Variants in RRM2B observed in about 807,000 individuals in gnomAD.
RRM2B encodes ribonucleotide reductase regulatory TP53 inducible subunit M2B.
A neutral mutation model predicts 45.9 loss-of-function variants in RRM2B; 20 were observed. The observed-to-expected ratio is 0.44, with a 90% CI of 0.31 to 0.63. RRM2B has a LOEUF of 0.63. RRM2B is among the 30% of genes least tolerant of loss of function. The pLI is 0.09. For missense variants in RRM2B, 320 were observed against 414.7 expected (o/e 0.77, Z 1.98); for synonymous variants, 124 against 132.3 (o/e 0.94, Z 0.43).
chr8:102,211,242 C>T (rs1563659574), intron 8 of RRM2B, among the ~76,000 whole-genome samples: 1 of 152,220 alleles, frequency 6.6e-6, no homozygotes, highest in African/African-American at 2.4e-5. Flanking sequence ...GTGATTCTTC[C>T]ACCTCAGCCT....
chr8:102,226,965 C>T (rs1810943112), intron 2 of RRM2B, among the ~76,000 whole-genome samples: 2 of 152,126 alleles, frequency 1.3e-5, no homozygotes, highest in African/African-American at 2.4e-5. Context: ...CTGTTTGCCT[C>T]GGCCTCCCAA....
rs1810521062 is a variant in RRM2B, at chr8:102,205,076, G to A, written c.*3057C>T. On this transcript the variant is annotated 3_prime_UTR_variant, in exon 9 of 9. Transcript: ENST00000251810. ...TGTGCCATTCATCCAGATTCTGCTG[G>A]GGAAGATTTCCCAAGTCCACTACCA... 6.6e-6 allele frequency: 1 copy of A among 152,118 alleles called. No individual in the cohort carries two copies. The highest frequency in any genetic ancestry group is 2.4e-5 in the African/African-American group (1 of 41,440). The allele number at this position is 152,118 out of a possible 1,614,324, so 9.4% of individuals were successfully genotyped here.
intron 1 of RRM2B, among the ~76,000 whole-genome samples, chr8:102,237,198 A>C (rs1811135931): frequency 6.6e-6 from 1 of 152,240 alleles, no homozygotes; most frequent in South Asian, 2.1e-4. Context: ...ATAGACTATG[A>C]ATTAGATTAG....
At position 102,232,284 on chromosome 8, in the gene RRM2B, G is replaced by C; in HGVS notation, c.69C>G (p.Asn23Lys). ...CTTCATTTGACTTTATTTCACTTTC[G>C]TTGGTGTCTGAAGATGATCTCTTTG... ...DQDERSSSDTNESEIKSNEEP... is the reference protein window; with the variant it reads ...DQDERSSSDTKESEIKSNEEP... Residue 23 changes from asparagine to lysine, a missense_variant, in exon 2 of 9, where the codon AAC becomes AAG. Physicochemically the swap from Asn to Lys is moderately conservative, Grantham distance 94 (BLOSUM62 0). Coordinates refer to ENST00000251810, the MANE Select transcript of RRM2B (RefSeq NM_015713.5). 1 of 1,614,084 alleles carries C rather than the reference G, an allele frequency of 6.2e-7. No individual in the cohort carries two copies. The highest frequency in any genetic ancestry group is 8.5e-7 in the Non-Finnish European group (1 of 1,179,978).
At chr8:102,236,496 T>G (rs1042861460) in intron 1 of RRM2B, among the ~76,000 whole-genome samples, 1 of 152,160 alleles carries the variant, frequency 6.6e-6, no homozygotes, top group Non-Finnish European at 1.5e-5. Flanking sequence ...ATGTGGCAGT[T>G]AGCATGAAAA....
In RRM2B at chr8:102,207,531, A is replaced by C. The variant is rs1459805790; in HGVS notation, c.*602T>G. Reference sequence around the variant, plus strand: ...ACTTATTCTTGCGTGAATGAGAATTATGTTCTTTTTAAGGAGATACTTATA... The same window carrying C: ...ACTTATTCTTGCGTGAATGAGAATTCTGTTCTTTTTAAGGAGATACTTATA... On this transcript the variant is annotated 3_prime_UTR_variant, in exon 9 of 9. Coordinates refer to ENST00000251810, the MANE Select transcript of RRM2B (RefSeq NM_015713.5). 2.0e-5 allele frequency: 3 copies of C among 152,362 alleles called. No individual in the cohort carries two copies. In the East Asian group the frequency reaches 5.8e-4, roughly 29 times the overall value. The allele number at this position is 152,362 out of a possible 1,614,324, so 9.4% of individuals were successfully genotyped here. A position where few individuals can be genotyped will look rare whatever the true frequency, so the allele number is the denominator to read the frequency against.
At chr8:102,225,890 C>T (rs1563665331) in intron 3 of RRM2B, 28 bp downstream of exon 3, 1 of 1,250,954 alleles carries the variant, frequency 8.0e-7, no homozygotes. Context: ...TAAAGGAGAA[C>T]AAAAGTTAAA....
intron 6 of RRM2B, among the ~76,000 whole-genome samples, chr8:102,215,944 CAAAAAAAAA>C (rs60059243): frequency 1.3e-5 from 1 of 75,710 alleles, no homozygotes; most frequent in Non-Finnish European, 2.4e-5. Context: ...GACCCTGTCT[CAAAAAAAAA>C]AAAAAAAAAA....
At chr8:102,225,094 C>T in intron 3 of RRM2B, 76 bp from the exon 4 acceptor site, 4 of 1,511,940 alleles carry the variant, frequency 2.6e-6, no homozygotes. Context: ...ATCTGGACAT[C>T]AGCATTATCG....
intron 6 of RRM2B, among the ~76,000 whole-genome samples, chr8:102,217,960 A>C (rs1169223552): frequency 1.3e-5 from 2 of 152,206 alleles, no homozygotes; most frequent in Non-Finnish European, 2.9e-5. Flanking sequence ...TCCTAAATTT[A>C]AATTAGATGA....
intron 2 of RRM2B, among the ~76,000 whole-genome samples, chr8:102,228,197 G>T (rs747519017): frequency 4.6e-5 from 7 of 152,184 alleles, no homozygotes; most frequent in Admixed American, 6.5e-5. Context: ...AGAGACTACG[G>T]TTGGATGTCG....
chr8:102,234,285 T>C (rs1335340108), intron 1 of RRM2B, among the ~76,000 whole-genome samples: 1 of 152,218 alleles, frequency 6.6e-6, no homozygotes, highest in East Asian at 1.9e-4. Context: ...TCCTGTTCTA[T>C]CCTGATAACC....
At chr8:102,217,788 T>G (rs1282106046) in intron 6 of RRM2B, among the ~76,000 whole-genome samples, 6 of 151,330 alleles carry the variant, frequency 4.0e-5, no homozygotes, top group African/African-American at 1.5e-4. Flanking sequence ...TCAGGAAAGT[T>G]TTGAGATGTC....
At chr8:102,218,767 A>G in intron 6 of RRM2B, 47 bp downstream of exon 6, 1 of 1,484,860 alleles carries the variant, frequency 6.7e-7, no homozygotes. Flanking sequence ...ATAGATGAAC[A>G]TCAAATATGA....
intron 2 of RRM2B, among the ~76,000 whole-genome samples, chr8:102,230,901 G>A (rs1257758991): frequency 6.6e-6 from 1 of 152,232 alleles, no homozygotes; most frequent in Non-Finnish European, 1.5e-5. Flanking sequence ...GATACACAGA[G>A]AGGTTATGTA....
At chr8:102,238,377 G>A (rs537085514) in intron 1 of RRM2B, 5 of 414,988 alleles carry the variant, frequency 1.2e-5, no homozygotes, top group Admixed American at 7.6e-5. Context: ...CTTCACCCCA[G>A]CCACCTGTGT....
intron 5 of RRM2B, among the ~76,000 whole-genome samples, chr8:102,219,804 C>T (rs1179945564): frequency 1.3e-5 from 2 of 152,194 alleles, no homozygotes; most frequent in African/African-American, 2.4e-5. Flanking sequence ...GAGTGCACTA[C>T]AAACCGTTTT....
intron 1 of RRM2B, among the ~76,000 whole-genome samples, chr8:102,232,988 G>T (rs1811057928): frequency 6.6e-6 from 1 of 152,152 alleles, no homozygotes; most frequent in Non-Finnish European, 1.5e-5. Context: ...AAACACGATG[G>T]CACTCTAAGA....
chr8:102,238,769 G>C (rs756615197), intron 1 of RRM2B, 58 bp downstream of exon 1: 32 of 1,612,970 alleles, frequency 2.0e-5, no homozygotes, highest in Middle Eastern at 1.6e-4. Flanking sequence ...CCTGCAACTT[G>C]CAATCTAACG....
Sources: gnomAD v4.1 joint callset for allele counts (sites outside exome capture counted in the v4.1 genomes callset) on GRCh38, gnomAD v4.1.1 for gene constraint, MANE v1.5 for transcripts, NCBI Gene and HGNC (gene_info 2026-07-23, HGNC 2026-07-21) for gene names.